Variants in IGSF11 observed in about 807,000 individuals in gnomAD.
IGSF11 encodes the protein CXADR like 1.
IGSF11 carries 22 observed loss-of-function variants against 41.0 expected under a neutral mutation model. The ratio of observed to expected loss-of-function variants is 0.54; its 90% CI spans 0.38 to 0.77. IGSF11 has a LOEUF of 0.77. Ranked by LOEUF, IGSF11 falls within the 30% of genes least tolerant of loss-of-function variation. The pLI is 0.00. For synonymous variants in IGSF11, 219 were observed against 201.3 expected (o/e 1.09, Z -0.74); for missense variants, 444 against 530.8 (o/e 0.84, Z 1.61).
chr3:119,033,481 T>C (rs1940612200), intron 1 of IGSF11, among the ~76,000 whole-genome samples: 1 of 152,226 alleles, frequency 6.6e-6, no homozygotes, highest in Admixed American at 6.5e-5. Context: ...GCTTCATTAG[T>C]TTCTACGGAG....
chr3:119,128,763 T>G (rs1576832269), intron 1 of IGSF11, among the ~76,000 whole-genome samples: 2 of 152,172 alleles, frequency 1.3e-5, no homozygotes, highest in South Asian at 4.1e-4. Context: ...TGGCAATTCC[T>G]CAAGAATCTA....
intron 1 of IGSF11, among the ~76,000 whole-genome samples, chr3:119,076,669 C>G (rs1054981769): frequency 6.6e-6 from 1 of 152,192 alleles, no homozygotes; most frequent in African/African-American, 2.4e-5. Context: ...AAATGCTCAT[C>G]ATCACTGGCC....
chr3:118,906,198 AG>A (rs1939572041), intron 4 of IGSF11, among the ~76,000 whole-genome samples: 1 of 152,238 alleles, frequency 6.6e-6, no homozygotes, highest in African/African-American at 2.4e-5. Context: ...TGTTTGTGTT[AG>A]CTCAGATCCT....
chr3:119,006,511 C>G (rs1937513417), intron 1 of IGSF11, among the ~76,000 whole-genome samples: 1 of 132,330 alleles, frequency 7.6e-6, no homozygotes, highest in South Asian at 2.8e-4. Flanking sequence ...TGCTGAGGAA[C>G]TGCGCTCCTT....
At chr3:118,950,503 G>A (rs575452547) in intron 1 of IGSF11, among the ~76,000 whole-genome samples, 72 of 151,918 alleles carry the variant, frequency 4.7e-4, no homozygotes, top group African/African-American at 1.6e-3. Context: ...GAATATTCAA[G>A]GTTAAGGTTT....
intron 1 of IGSF11, among the ~76,000 whole-genome samples, chr3:119,048,630 C>A (rs1481447863): frequency 2.6e-5 from 4 of 151,862 alleles, no homozygotes; most frequent in African/African-American, 7.3e-5. Flanking sequence ...AGAAGGAATA[C>A]TCCCTAACTC....
intron 1 of IGSF11, among the ~76,000 whole-genome samples, chr3:119,089,820 T>C (rs1435804680): frequency 6.6e-6 from 1 of 151,964 alleles, no homozygotes; most frequent in African/African-American, 2.4e-5. Flanking sequence ...AGATTGAGAG[T>C]TCGAGACCAG....
chr3:118,939,397 G>A (rs527418521), intron 1 of IGSF11, among the ~76,000 whole-genome samples: 8 of 152,080 alleles, frequency 5.3e-5, no homozygotes, highest in Middle Eastern at 3.4e-3. Context: ...CCAACATGGC[G>A]AAACCCCATC....
At chr3:118,903,268 T>G (rs889902947) in intron 6 of IGSF11, among the ~76,000 whole-genome samples, 35 of 152,078 alleles carry the variant, frequency 2.3e-4, no homozygotes, top group African/African-American at 8.2e-4. Context: ...GTAAATAACA[T>G]TCACATAAAT....
chr3:118,954,448 C>T (rs1236179056), intron 1 of IGSF11, among the ~76,000 whole-genome samples: 2 of 152,032 alleles, frequency 1.3e-5, no homozygotes, highest in African/African-American at 4.8e-5. Context: ...TCCAACACAT[C>T]TGCAGTGACT....
At chr3:118,938,678 C>T (rs934959775) in intron 1 of IGSF11, among the ~76,000 whole-genome samples, 2 of 152,276 alleles carry the variant, frequency 1.3e-5, no homozygotes, top group East Asian at 3.9e-4. Context: ...TATTTACATC[C>T]TGGCTACAAG....
At chr3:119,015,894 T>C (rs1342413184) in intron 1 of IGSF11, among the ~76,000 whole-genome samples, 7 of 152,284 alleles carry the variant, frequency 4.6e-5, no homozygotes, top group Non-Finnish European at 8.8e-5. Context: ...TGTCCCACTT[T>C]CCATGAGAGA....
chr3:118,912,233 G>GT (rs1222806712), intron 4 of IGSF11, among the ~76,000 whole-genome samples: 7 of 151,956 alleles, frequency 4.6e-5, no homozygotes, highest in Admixed American at 3.3e-4. Flanking sequence ...GAAGGGAGGT[G>GT]TTTTTTTTCT....
At chr3:118,925,206 C>A (rs910363164) in intron 4 of IGSF11, among the ~76,000 whole-genome samples, 1 of 152,042 alleles carries the variant, frequency 6.6e-6, no homozygotes. Context: ...AGGCTTGTGG[C>A]GCTGGCTCTT....
Position 118,904,663 on chromosome 3 carries a change from A to T in IGSF11, c.839T>A (p.Ile280Asn). 1 of 1,610,106 alleles carries T rather than the reference A, an allele frequency of 6.2e-7. No individual in the cohort carries two copies. Among genetic ancestry groups the T allele is most frequent in the Non-Finnish European group, 8.5e-7 (1 of 1,178,110 alleles). The stretch of plus-strand genomic sequence containing the variant: ...ACATACAAACCTTATTTCATTAGGA[A>T]TTTCTTCTTCTTCCTCCTCTTTATT... The part of the protein sequence containing the change: ...SKNKEEEEEE[I>N]PNEIREDDLP... The change falls in exon 6 of 7, where the codon ATT becomes AAT. Residue 280 changes from isoleucine (I) to asparagine (N), a missense_variant. By Grantham distance (149) the Ile-to-Asn change is moderately radical (BLOSUM62 -3). Transcript: ENST00000393775.
intron 1 of IGSF11, among the ~76,000 whole-genome samples, chr3:119,140,368 C>A (rs1331350257): frequency 6.6e-6 from 1 of 152,076 alleles, no homozygotes; most frequent in Non-Finnish European, 1.5e-5. Flanking sequence ...AAAATTGTTA[C>A]TTGAAAAAGT....
At chr3:119,119,064 G>C (rs529671582) in intron 1 of IGSF11, among the ~76,000 whole-genome samples, 1 of 152,088 alleles carries the variant, frequency 6.6e-6, no homozygotes, top group Admixed American at 6.5e-5. Flanking sequence ...ACATTTTCCT[G>C]TCTTCTTCTG....
At chr3:118,984,782 G>T (rs574811757) in intron 1 of IGSF11, among the ~76,000 whole-genome samples, 1 of 152,142 alleles carries the variant, frequency 6.6e-6, no homozygotes. Flanking sequence ...TACCCTCCAC[G>T]CTGAGACAAG....
chr3:118,964,747 T>C (rs919308425), intron 1 of IGSF11, among the ~76,000 whole-genome samples: 3 of 152,172 alleles, frequency 2.0e-5, no homozygotes, highest in Admixed American at 6.5e-5. Flanking sequence ...AATGTTTGAA[T>C]TTCCTATTAG....
Sources: gnomAD v4.1 joint callset for allele counts (sites outside exome capture counted in the v4.1 genomes callset) on GRCh38, gnomAD v4.1.1 for gene constraint, MANE v1.5 for transcripts, NCBI Gene and HGNC (gene_info 2026-07-23, HGNC 2026-07-21) for gene names.